Variants in TENM2 observed in about 807,000 individuals in gnomAD.
TENM2 encodes teneurin transmembrane protein 2, also known as teneurin-2.
TENM2 carries 52 observed loss-of-function variants against 245.2 expected under a neutral mutation model. The observed-to-expected ratio is 0.21, with a 90% confidence interval of 0.17 to 0.27. The LOEUF is 0.27. Among genes scored for constraint, TENM2 ranks in the 10% least tolerant of loss-of-function variants. The pLI is 1.00. For synonymous variants in TENM2, 1,363 were observed against 1,438.9 expected, an observed-to-expected ratio of 0.95 and a Z score of 1.19; for missense variants, 3,046 against 3,666.8, an observed-to-expected ratio of 0.83 and a Z score of 4.37.
intron 1 of TENM2, 61 bp downstream of exon 3, chr5:167,285,124 T>C (rs1213903415): frequency 1.5e-6 from 2 of 1,309,042 alleles, no homozygotes; most frequent in South Asian, 2.6e-5. Context: ...ATTTACATGG[T>C]TGATGGCTGC....
intron 1 of TENM2, among the ~76,000 whole-genome samples, chr5:167,285,267 C>G (rs1581663375): frequency 1.3e-5 from 2 of 152,310 alleles, no homozygotes; most frequent in Admixed American, 1.3e-4. Context: ...TTTCTCAAAA[C>G]TATTCTCCTC....
At chr5:167,712,737 T>TA (rs1758992714) in intron 2 of TENM2, among the ~76,000 whole-genome samples, 1 of 152,210 alleles carries the variant, frequency 6.6e-6, no homozygotes, top group Non-Finnish European at 1.5e-5. Context: ...GAATATGGAA[T>TA]AAAACATGAA....
At chr5:167,799,596 CTAAT>C (rs1412870655) in intron 2 of TENM2, among the ~76,000 whole-genome samples, 1 of 152,126 alleles carries the variant, frequency 6.6e-6, no homozygotes, top group African/African-American at 2.4e-5. Flanking sequence ...AGAAAAAGCT[CTAAT>C]TAAGATGCTT....
intron 4 of TENM2, among the ~76,000 whole-genome samples, chr5:167,956,796 C>T (rs933562057): frequency 4.6e-5 from 7 of 152,146 alleles, no homozygotes; most frequent in Non-Finnish European, 7.3e-5. Flanking sequence ...GTATGTTGAA[C>T]CAGCCTTGCA....
At chr5:167,676,429 A>G (rs780507601) in intron 2 of TENM2, among the ~76,000 whole-genome samples, 1 of 152,102 alleles carries the variant, frequency 6.6e-6, no homozygotes, top group African/African-American at 2.4e-5. Context: ...GGAAAACTCA[A>G]TGCACCTGCT....
chr5:167,493,698 C>T (rs1026736777), intron 2 of TENM2, among the ~76,000 whole-genome samples: 4 of 151,934 alleles, frequency 2.6e-5, no homozygotes, highest in Admixed American at 2.0e-4. Context: ...ACTGAACATC[C>T]GTATCTAGAA....
chr5:168,047,667 G>C (rs1788724332), intron 6 of TENM2, 118 bp downstream of exon 8: 1 of 1,269,378 alleles, frequency 7.9e-7, no homozygotes, highest in African/African-American at 1.5e-5. Flanking sequence ...AAAAGAAACG[G>C]GGGGAAAAAT....
intron 3 of TENM2, among the ~76,000 whole-genome samples, chr5:167,892,948 A>G (rs1366905816): frequency 6.6e-6 from 1 of 152,232 alleles, no homozygotes; most frequent in Admixed American, 6.5e-5. Context: ...AACATCCCAC[A>G]TGAACAGTGG....
intron 2 of TENM2, among the ~76,000 whole-genome samples, chr5:167,530,065 C>T (rs1771390276): frequency 6.6e-6 from 1 of 152,164 alleles, no homozygotes; most frequent in African/African-American, 2.4e-5. Flanking sequence ...AGCAGTGCTG[C>T]TCAAAGTTAA....
At chr5:167,204,846 C>T in the TENM2 span, among the ~76,000 whole-genome samples, 2 of 152,150 alleles carry the variant, frequency 1.3e-5, no homozygotes, top group Non-Finnish European at 2.9e-5. Flanking sequence ...AATGACAGAC[C>T]TCATACATAT....
chr5:167,673,374 T>C (rs906228343), intron 2 of TENM2, among the ~76,000 whole-genome samples: 1 of 152,098 alleles, frequency 6.6e-6, no homozygotes, highest in Non-Finnish European at 1.5e-5. Context: ...CTGACCCCTA[T>C]GCCAAAATAA....
At chr5:167,750,618 A>T (rs1761897498) in intron 2 of TENM2, among the ~76,000 whole-genome samples, 1 of 152,034 alleles carries the variant, frequency 6.6e-6, no homozygotes, top group African/African-American at 2.4e-5. Flanking sequence ...CTACACTTTG[A>T]TCCTCACTCT....
the TENM2 span, among the ~76,000 whole-genome samples, chr5:167,158,846 C>CCCTTCCTTCCCTCCTT: frequency 1.2e-5 from 1 of 86,062 alleles, no homozygotes; most frequent in South Asian, 5.1e-4. Context: ...TCCATAGCAG[C>CCCTTCCTTCCCTCCTT]CCTTCCTTCC....
intron 3 of TENM2, among the ~76,000 whole-genome samples, chr5:167,907,524 AATATATATATATATATATATATATAT>A (rs56159044): frequency 0.078 from 6,070 of 78,310 alleles, 398 homozygotes; most frequent in Middle Eastern, 0.19. Context: ...GATCACCCTA[AATATATATATATATATATATATATAT>A]ATATATATAT....
At chr5:167,361,653 C>T (rs1759726921) in intron 1 of TENM2, among the ~76,000 whole-genome samples, 1 of 152,166 alleles carries the variant, frequency 6.6e-6, no homozygotes, top group South Asian at 2.1e-4. Flanking sequence ...AGTATATGAA[C>T]AGTATTATTT....
At chr5:167,992,040 T>G (rs1783706033) in intron 4 of TENM2, among the ~76,000 whole-genome samples, 1 of 151,738 alleles carries the variant, frequency 6.6e-6, no homozygotes, top group African/African-American at 2.4e-5. Flanking sequence ...AAACATCATA[T>G]GTTCTCACTT....
In TENM2 at chr5:168,198,853, G is replaced by C. The variant is rs375674029; in HGVS notation, c.2901G>C (p.Thr967=). The stretch of plus-strand genomic sequence containing the variant: ...ATCAGCTCATTTACTCCCTCTCCAG[G>C]TTCGACCTGATCGCAAATGGAGGTG... The change falls in exon 16 of 29, where the codon ACG becomes ACC. Residue 967 remains threonine (T), a splice_region_variant and synonymous_variant. Coordinates refer to ENST00000518659, the Ensembl canonical transcript of TENM2. The C allele has an allele frequency of 3.8e-5, 61 of 1,613,600 alleles. No individual in the cohort carries two copies. In the African/African-American group the frequency reaches 7.5e-4, roughly 20 times the overall value.
chr5:167,722,455 G>C (rs1164867548), intron 2 of TENM2, among the ~76,000 whole-genome samples: 1 of 152,174 alleles, frequency 6.6e-6, no homozygotes, highest in Non-Finnish European at 1.5e-5. Flanking sequence ...TTTAGATACA[G>C]ATACAGATAT....
intron 2 of TENM2, among the ~76,000 whole-genome samples, chr5:167,691,364 C>G (rs565301775): frequency 6.6e-6 from 1 of 152,204 alleles, no homozygotes; most frequent in South Asian, 2.1e-4. Flanking sequence ...AGACCTGGAA[C>G]AAATAAGAAC....
Sources: allele counts gnomAD v4.1 joint callset (sites outside exome capture counted in the v4.1 genomes callset), GRCh38; gene constraint gnomAD v4.1.1; transcripts MANE v1.5; gene names NCBI Gene and HGNC (gene_info 2026-07-23, HGNC 2026-07-21).